Variants in CHD1L observed in about 807,000 individuals in gnomAD.
CHD1L encodes chromodomain helicase DNA binding protein 1 like.
Under a neutral mutation model 115.9 loss-of-function variants are expected in CHD1L, and 118 were observed. That is an observed-to-expected ratio of 1.02 (90% CI 0.88 to 1.19). The LOEUF is 1.19. CHD1L is among the 50% of genes most tolerant of loss of function. The probability of loss-of-function intolerance (pLI) is 0.00; values close to 1 mark genes in which losing one functional copy is unlikely to be tolerated. For missense variants in CHD1L, 1,179 were observed against 1,065.3 expected (o/e 1.11, Z -1.49); for synonymous variants, 411 against 387.1 (o/e 1.06, Z -0.72).
chr1:147,264,645 A>T, intron 7 of CHD1L, 61 bp downstream of exon 7: 2 of 1,550,902 alleles, frequency 1.3e-6, no homozygotes, highest in Non-Finnish European at 1.8e-6. Context: ...ATCCTCATGC[A>T]TAATGGTTAT....
chr1:147,208,701 A>T, the CHD1L span: 1 of 598,682 alleles, frequency 1.7e-6, no homozygotes, highest in Non-Finnish European at 3.0e-6. Context: ...CGCCTCCCAG[A>T]GTGCTGGGAT....
chr1:147,281,017 T>C (rs1680635736), intron 15 of CHD1L, among the ~76,000 whole-genome samples: 1 of 152,144 alleles, frequency 6.6e-6, no homozygotes, highest in Non-Finnish European at 1.5e-5. Context: ...GCATGATTTC[T>C]GGTTTTGTAG....
chr1:147,230,720 T>C, the CHD1L span, among the ~76,000 whole-genome samples: 7 of 149,162 alleles, frequency 4.7e-5, no homozygotes, highest in African/African-American at 1.5e-4. Context: ...ATTCAACTTC[T>C]TCCCGGTTTA....
At chr1:147,179,466 A>G in the CHD1L span, 16 of 1,579,682 alleles carry the variant, frequency 1.0e-5, no homozygotes, top group Admixed American at 1.5e-4. Flanking sequence ...GAGTTTTCCT[A>G]CCATATACTT....
chr1:147,194,084 T>C, the CHD1L span, among the ~76,000 whole-genome samples: 1 of 152,164 alleles, frequency 6.6e-6, no homozygotes, highest in Non-Finnish European at 1.5e-5. Context: ...GTCTCGTTGA[T>C]CTGTCTAATG....
At chr1:147,178,184 C>T in the CHD1L span, 4 of 1,611,844 alleles carry the variant, frequency 2.5e-6, no homozygotes, top group South Asian at 1.1e-5. Context: ...CTCGCGGCTG[C>T]CTCCGACGTG....
the CHD1L span, among the ~76,000 whole-genome samples, chr1:147,200,594 T>C: frequency 1.3e-3 from 1 of 780 alleles, no homozygotes; most frequent in African/African-American, 3.5e-3. Flanking sequence ...CCTATTCCCC[T>C]TTTTTTTTCA....
chr1:147,286,953 C>A (rs894002685), intron 18 of CHD1L, among the ~76,000 whole-genome samples: 20 of 135,148 alleles, frequency 1.5e-4, no homozygotes, highest in African/African-American at 4.8e-4. Context: ...TCTGTGATTA[C>A]CTCATATAAA....
chr1:147,191,445 A>C, the CHD1L span, among the ~76,000 whole-genome samples: 8 of 151,992 alleles, frequency 5.3e-5, no homozygotes, highest in African/African-American at 1.2e-4. Context: ...CGATGATGAG[A>C]ATTTTTTCAT....
chr1:147,255,470 G>C (rs1282965475), intron 3 of CHD1L, among the ~76,000 whole-genome samples: 1 of 152,086 alleles, frequency 6.6e-6, no homozygotes, highest in Non-Finnish European at 1.5e-5. Context: ...CATGTGATCT[G>C]CCCGCCTTAG....
chr1:147,251,980 G>T (rs1668557228), intron 1 of CHD1L, among the ~76,000 whole-genome samples: 1 of 152,132 alleles, frequency 6.6e-6, no homozygotes, highest in Non-Finnish European at 1.5e-5. Context: ...CTTATATAAA[G>T]TATGTTTAAG....
chr1:147,232,341 A>G, the CHD1L span, among the ~76,000 whole-genome samples: 1 of 152,214 alleles, frequency 6.6e-6, no homozygotes, highest in African/African-American at 2.4e-5. Flanking sequence ...CAGGGCTTGC[A>G]TGTCTGACAT....
the CHD1L span, among the ~76,000 whole-genome samples, chr1:147,205,848 A>G: frequency 6.6e-6 from 1 of 152,188 alleles, no homozygotes; most frequent in Non-Finnish European, 1.5e-5. Context: ...TTCAGGACAT[A>G]GGCATGGGCA....
At chr1:147,232,139 G>A in the CHD1L span, among the ~76,000 whole-genome samples, 88,674 of 152,048 alleles carry the variant, frequency 0.58, 27,892 homozygotes, top group East Asian at 0.87. Context: ...CTTGAGGGAG[G>A]GCTGCAAAGG....
the CHD1L span, chr1:147,208,625 G>C: frequency 5.2e-6 from 2 of 387,746 alleles, no homozygotes; most frequent in South Asian, 4.7e-5. Context: ...TTTTAGTAGA[G>C]ATGGGGTTTC....
At chr1:147,288,336 AAAAAAAAAAAG>A (rs1368075249) in intron 19 of CHD1L, among the ~76,000 whole-genome samples, 2 of 1,298 alleles carry the variant, frequency 1.5e-3, no homozygotes, top group African/African-American at 2.4e-3. Context: ...AAAAAAAAAA[AAAAAAAAAAAG>A]AAAAAGAGAA....
At chr1:147,252,414 T>G (rs1190054024) in intron 1 of CHD1L, among the ~76,000 whole-genome samples, 1 of 152,140 alleles carries the variant, frequency 6.6e-6, no homozygotes, top group Non-Finnish European at 1.5e-5. Flanking sequence ...CTTTGGGGCT[T>G]TGAATATAAA....
chr1:147,242,544 G>A, upstream of CHD1L: 2 of 711,828 alleles, frequency 2.8e-6, no homozygotes, highest in East Asian at 6.9e-5. Flanking sequence ...CCGGAAGGGT[G>A]ACTGCACCAG....
chr1:147,277,155 G>C (rs1198328972), intron 14 of CHD1L, among the ~76,000 whole-genome samples: 11 of 152,100 alleles, frequency 7.2e-5, no homozygotes, highest in African/African-American at 2.7e-4. Flanking sequence ...AAGATAAAGA[G>C]AATTTAGGCT....
Sources: gnomAD v4.1 joint callset for allele counts (sites outside exome capture counted in the v4.1 genomes callset) on GRCh38, gnomAD v4.1.1 for gene constraint, MANE v1.5 for transcripts, NCBI Gene and HGNC (gene_info 2026-07-23, HGNC 2026-07-21) for gene names.